Variants in NFIB observed in about 807,000 individuals in gnomAD.
The protein encoded by NFIB is nuclear factor 1 B-type.
Under a neutral mutation model 61.5 loss-of-function variants are expected in NFIB, and 11 were observed. That is an observed-to-expected ratio of 0.18 (90% confidence interval 0.11 to 0.30). The LOEUF is 0.30. Among genes scored for constraint, NFIB ranks in the 10% least tolerant of loss-of-function variants. The probability of loss-of-function intolerance (pLI) is 1.00; values close to 1 mark genes in which losing one functional copy is unlikely to be tolerated. For synonymous variants in NFIB, 260 were observed against 216.5 expected (o/e 1.20, Z -1.76); for missense variants, 471 against 608.9 (o/e 0.77, Z 2.38).
the NFIB span, among the ~76,000 whole-genome samples, chr9:14,527,391 T>C: frequency 6.6e-6 from 1 of 152,180 alleles, no homozygotes; most frequent in Non-Finnish European, 1.5e-5. Flanking sequence ...GAAGTAATAG[T>C]AAAATTAACA....
chr9:14,092,984 G>GT (rs1202616796), intron 10 of NFIB, among the ~76,000 whole-genome samples: 4 of 152,076 alleles, frequency 2.6e-5, no homozygotes, highest in South Asian at 4.1e-4. Context: ...TTCTGGTTAT[G>GT]TTTTTTTAAA....
chr9:14,370,541 T>C (rs1260589299), intron 1 of NFIB, among the ~76,000 whole-genome samples: 2 of 152,228 alleles, frequency 1.3e-5, no homozygotes, highest in African/African-American at 4.8e-5. Flanking sequence ...TGTGTTAAAT[T>C]TGTGAACATA....
chr9:14,426,013 C>T, the NFIB span, among the ~76,000 whole-genome samples: 1 of 152,126 alleles, frequency 6.6e-6, no homozygotes, highest in African/African-American at 2.4e-5. Flanking sequence ...CTTTTCCTTA[C>T]CTCTTCCATC....
intron 2 of NFIB, among the ~76,000 whole-genome samples, chr9:14,301,363 T>C (rs2059740211): frequency 6.6e-6 from 1 of 152,208 alleles, no homozygotes; most frequent in African/African-American, 2.4e-5. Flanking sequence ...AGAGACATTG[T>C]GCACTAAATC....
intron 10 of NFIB, among the ~76,000 whole-genome samples, chr9:14,091,381 G>A (rs752094484): frequency 5.9e-5 from 9 of 151,842 alleles, no homozygotes; most frequent in Non-Finnish European, 1.0e-4. Context: ...ACTTACTCAG[G>A]TAAAAATGTA....
At chr9:14,298,156 T>A (rs1301880835) in intron 2 of NFIB, among the ~76,000 whole-genome samples, 1 of 152,190 alleles carries the variant, frequency 6.6e-6, no homozygotes, top group African/African-American at 2.4e-5. Context: ...ATGGTATATA[T>A]AAAGTTACAA....
At chr9:14,315,151 G>A (rs117977225), upstream of NFIB, among the ~76,000 whole-genome samples, 24,045 of 151,494 alleles carry the variant, frequency 0.16, 2,288 homozygotes, top group Middle Eastern at 0.27. Flanking sequence ...CGTGGACCAG[G>A]GGGGTGCGGC....
the NFIB span, among the ~76,000 whole-genome samples, chr9:14,408,724 A>G: frequency 1.3e-5 from 2 of 152,270 alleles, no homozygotes; most frequent in African/African-American, 4.8e-5. Flanking sequence ...AGAAAAAATT[A>G]CAATAGAATC....
In NFIB at chr9:14,395,726, CTTTTTTTTTTTTT is replaced by C. The variant is rs35417792; in HGVS notation, c.108+2785_108+2797del. Among the ~76,000 whole-genome samples, 32 of 65,758 alleles carry C rather than the reference CTTTTTTTTTTTTT, an allele frequency of 4.9e-4. No homozygotes were observed. The East Asian group carries it at 5.2e-3, about 11-fold the overall frequency. The allele number at this position is 65,758 out of a possible 152,430, so 43.1% of individuals were successfully genotyped here. On this transcript the variant is annotated intron_variant, in intron 1 of 8. Transcript: ENST00000380934. Reference sequence around the variant, plus strand: ...TCATCCCCCTCCCATATTCTTTTGACTTTTTTTTTTTTTTTTTTTTTTTTTTTTGCCACCCAAA... The same window carrying C: ...TCATCCCCCTCCCATATTCTTTTGACTTTTTTTTTTTTTTTGCCACCCAAA...
At chr9:14,261,974 G>T (rs553106333) in intron 2 of NFIB, among the ~76,000 whole-genome samples, 164 of 152,262 alleles carry the variant, frequency 1.1e-3, no homozygotes, top group African/African-American at 3.7e-3. Context: ...GGAGGTGGAG[G>T]GGGTACAGTG....
At chr9:14,363,235 C>T (rs973650062) in intron 1 of NFIB, among the ~76,000 whole-genome samples, 1 of 152,116 alleles carries the variant, frequency 6.6e-6, no homozygotes, top group Non-Finnish European at 1.5e-5. Context: ...GGCAAGTCAC[C>T]ACTGGGACTG....
chr9:14,304,583 G>A (rs2059921664), intron 2 of NFIB, among the ~76,000 whole-genome samples: 1 of 152,194 alleles, frequency 6.6e-6, no homozygotes, highest in Non-Finnish European at 1.5e-5. Context: ...ATTTAGAAGT[G>A]GGGAGAGAGA....
the NFIB span, among the ~76,000 whole-genome samples, chr9:14,488,667 A>G: frequency 6.6e-6 from 1 of 152,176 alleles, no homozygotes; most frequent in African/African-American, 2.4e-5. Context: ...ACGTACTCAT[A>G]GGCTACGCAG....
At chr9:14,433,791 C>T in the NFIB span, among the ~76,000 whole-genome samples, 1,444 of 152,332 alleles carry the variant, frequency 9.5e-3, 14 homozygotes, top group Middle Eastern at 0.02. Flanking sequence ...TAAAGTCACT[C>T]TGCATATGTC....
At chr9:14,256,369 A>C (rs2056220938) in intron 2 of NFIB, among the ~76,000 whole-genome samples, 1 of 152,204 alleles carries the variant, frequency 6.6e-6, no homozygotes, top group East Asian at 1.9e-4. Flanking sequence ...AGAAATAAAT[A>C]ATTTTCCAAA....
chr9:14,340,263 T>C (rs1332822673), intron 1 of NFIB, among the ~76,000 whole-genome samples: 2 of 152,220 alleles, frequency 1.3e-5, no homozygotes, highest in African/African-American at 4.8e-5. Flanking sequence ...TTCAGCAAAC[T>C]GTCTCCAATA....
Position 14,313,891 on chromosome 9 carries a change from G to T in NFIB, c.-380C>A. The T allele has an allele frequency of 1.8e-6, 2 of 1,085,330 alleles. No homozygotes were observed. The highest frequency in any genetic ancestry group is 2.2e-6 in the Non-Finnish European group (2 of 893,452). 67.2% of individuals were successfully genotyped at this position (1,085,330 alleles called of 1,614,324 possible). A position where few individuals can be genotyped will look rare whatever the true frequency, so the allele number is the denominator to read the frequency against. Reference sequence around the variant, plus strand: ...GGGTGTAGGGGGTGCGCGAAGGTTCGGTGTGGGTTGGATTGGGGTGGTGGT... The same window carrying T: ...GGGTGTAGGGGGTGCGCGAAGGTTCTGTGTGGGTTGGATTGGGGTGGTGGT... On this transcript the variant is annotated 5_prime_UTR_variant, in exon 1 of 11. Transcript: ENST00000380953. The surrounding 1 kb of genome is among the most constrained non-coding windows in gnomAD (Gnocchi z 4.5).
chr9:14,196,238 A>G (rs2048455208), intron 2 of NFIB, among the ~76,000 whole-genome samples: 1 of 152,206 alleles, frequency 6.6e-6, no homozygotes, highest in Non-Finnish European at 1.5e-5. Flanking sequence ...TGAGGCACTC[A>G]GGGAGGATCT....
the NFIB span, among the ~76,000 whole-genome samples, chr9:14,436,087 C>G: frequency 0.4 from 60,263 of 152,102 alleles, 12,974 homozygotes; most frequent in Admixed American, 0.51. Context: ...CTCACTCAGG[C>G]AGCCAGGTTA....
Sources: allele counts gnomAD v4.1 joint callset (sites outside exome capture counted in the v4.1 genomes callset), GRCh38; gene constraint gnomAD v4.1.1; non-coding constraint Gnocchi (gnomAD v3.1); transcripts MANE v1.5; gene names NCBI Gene and HGNC (gene_info 2026-07-23, HGNC 2026-07-21).